Variants in COL4A4 observed in about 807,000 individuals in gnomAD.
COL4A4 encodes collagen type IV alpha 4 chain, also known as collagen alpha-4(IV) chain.
Under a neutral mutation model 192.9 loss-of-function variants are expected in COL4A4, and 105 were observed. The observed-to-expected ratio is 0.54, with a 90% CI of 0.46 to 0.64. The LOEUF (loss-of-function observed/expected upper bound fraction) is 0.64. COL4A4 is among the 30% of genes least tolerant of loss of function. The pLI, the probability that COL4A4 is intolerant of heterozygous loss-of-function variation, is 0.00. For synonymous variants in COL4A4, 762 were observed against 769.9 expected (o/e 0.99, Z 0.17); for missense variants, 1,967 against 2,169.3 (o/e 0.91, Z 1.85).
intron 37 of COL4A4, among the ~76,000 whole-genome samples, chr2:227,041,848 G>GAAAAAGAGAA (rs1243663359): frequency 7.8e-5 from 3 of 38,692 alleles, no homozygotes; most frequent in African/African-American, 1.2e-4. Flanking sequence ...AAGAAAGAAA[G>GAAAAAGAGAA]AGAAAGAAAG....
chr2:226,979,631 G>T, the COL4A4 span, among the ~76,000 whole-genome samples: 2 of 152,218 alleles, frequency 1.3e-5, no homozygotes, highest in African/African-American at 4.8e-5. Context: ...TCAGCAGGCT[G>T]GGTACCCTTC....
At chr2:227,149,080 C>A (rs951156319) in intron 1 of COL4A4, among the ~76,000 whole-genome samples, 1 of 152,046 alleles carries the variant, frequency 6.6e-6, no homozygotes, top group Non-Finnish European at 1.5e-5. Context: ...AACTCCTGAC[C>A]TCAGGTGATC....
intron 35 of COL4A4, among the ~76,000 whole-genome samples, chr2:227,046,323 G>T (rs886218619): frequency 2.8e-5 from 4 of 144,672 alleles, no homozygotes; most frequent in Non-Finnish European, 3.0e-5. Flanking sequence ...TTGCCAGATG[G>T]AATTTTAAGA....
At chr2:227,051,857 A>C (rs1261279701) in intron 32 of COL4A4, among the ~76,000 whole-genome samples, 1 of 152,184 alleles carries the variant, frequency 6.6e-6, no homozygotes, top group Non-Finnish European at 1.5e-5. Context: ...TGGAGAAGCA[A>C]AAAATGTACC....
At chr2:227,094,489 G>A (rs904882722) in intron 19 of COL4A4, among the ~76,000 whole-genome samples, 200 bp from the exon 20 acceptor site, 1 of 152,150 alleles carries the variant, frequency 6.6e-6, no homozygotes, top group Non-Finnish European at 1.5e-5. Flanking sequence ...TGTGGAATCT[G>A]AAATAGTCAA....
At chr2:227,100,386 C>G (rs1334227978) in intron 17 of COL4A4, among the ~76,000 whole-genome samples, 1 of 151,882 alleles carries the variant, frequency 6.6e-6, no homozygotes, top group African/African-American at 2.4e-5. Context: ...TGCATAATAA[C>G]ACACAGCATG....
At chr2:227,011,840 G>C (rs1171545529) in intron 45 of COL4A4, among the ~76,000 whole-genome samples, 7 of 152,172 alleles carry the variant, frequency 4.6e-5, no homozygotes, top group Non-Finnish European at 8.8e-5. Flanking sequence ...GCCTCTTAAG[G>C]GTGATCCCAC....
At chr2:226,967,816 T>C in the COL4A4 span, among the ~76,000 whole-genome samples, 1 of 151,884 alleles carries the variant, frequency 6.6e-6, no homozygotes, top group Non-Finnish European at 1.5e-5. Flanking sequence ...GGAGTCAGGG[T>C]AGAGGGGTTA....
chr2:227,054,797 G>C (rs931334480), intron 30 of COL4A4, 60 bp from the exon 31 acceptor site: 101 of 1,530,684 alleles, frequency 6.6e-5, no homozygotes, highest in Non-Finnish European at 3.7e-5. Context: ...TATTTTTTCA[G>C]GGGTGGGAGG....
intron 45 of COL4A4, among the ~76,000 whole-genome samples, chr2:227,011,173 C>T (rs940238150): frequency 1.3e-5 from 2 of 152,146 alleles, no homozygotes; most frequent in Non-Finnish European, 2.9e-5. Flanking sequence ...TGAACTATTG[C>T]AGAAGGCCAG....
rs752585800 is a variant in COL4A4 at position 227,008,036 on chromosome 2, G to A, written c.4791C>T (p.Ile1597=). The part of the protein sequence containing the change: ...PCPQTWRSLW[I]GYSFLMHTGA... ...GACTCACCATCAGGAATGAATACCC[G>A]ATCCAGAGGCTCCTCCAGGTCTGCG... Residue 1597 remains isoleucine (I), a synonymous_variant, in exon 47 of 48, where the codon ATC becomes ATT. Coordinates refer to ENST00000396625, the MANE Select transcript of COL4A4 (RefSeq NM_000092.5). 20 of 1,612,364 alleles carry A rather than the reference G, an allele frequency of 1.2e-5. No homozygotes were observed. In the Admixed American group the frequency reaches 1.5e-4, roughly 12 times the overall value.
chr2:226,988,502 C>T, the COL4A4 span: 1,830 of 1,528,586 alleles, frequency 1.2e-3, 16 homozygotes, highest in African/African-American at 0.022. Flanking sequence ...AGACTCAGGC[C>T]TTGCGAGGTG....
intron 4 of COL4A4, 27 bp downstream of exon 4, chr2:227,140,134 G>A (rs371719472): frequency 8.8e-6 from 14 of 1,585,022 alleles, no homozygotes; most frequent in Middle Eastern, 1.7e-4. Context: ...CAGGAATGCT[G>A]CCCATGTTGG....
At chr2:227,043,480 C>G (rs1971854924) in intron 35 of COL4A4, among the ~76,000 whole-genome samples, 1 of 152,036 alleles carries the variant, frequency 6.6e-6, no homozygotes, top group Admixed American at 6.5e-5. Context: ...ATTGGTTTTC[C>G]TAATTATCAT....
At chr2:227,082,323 C>A (rs892078028) in intron 22 of COL4A4, 136 bp from the exon 23 acceptor site, 27 of 811,610 alleles carry the variant, frequency 3.3e-5, no homozygotes, top group Middle Eastern at 2.3e-4. Flanking sequence ...TGGTCTCTTC[C>A]ACTTCCCTGC....
intron 26 of COL4A4, 130 bp from the exon 27 acceptor site, chr2:227,060,373 G>C (rs1976647817): frequency 3.0e-6 from 2 of 669,290 alleles, no homozygotes; most frequent in Non-Finnish European, 5.1e-6. Flanking sequence ...TAAGGATGTT[G>C]CCTATCCCGA....
chr2:227,062,174 T>C (rs1316659267), intron 26 of COL4A4, among the ~76,000 whole-genome samples: 2 of 151,080 alleles, frequency 1.3e-5, no homozygotes, highest in Admixed American at 6.6e-5. Flanking sequence ...GAAGCAGAGG[T>C]TGCAGTGAGC....
intron 30 of COL4A4, 131 bp downstream of exon 30, chr2:227,055,814 G>T (rs770004220): frequency 1.9e-5 from 15 of 777,268 alleles, no homozygotes; most frequent in Non-Finnish European, 3.0e-5. Flanking sequence ...AGCAAGGGAG[G>T]CATCATTAAG....
chr2:227,142,456 C>A (rs1285091417), intron 3 of COL4A4, among the ~76,000 whole-genome samples: 1 of 152,096 alleles, frequency 6.6e-6, no homozygotes, highest in African/African-American at 2.4e-5. Context: ...ATATTTGTCA[C>A]ATAGAAAAGT....
Sources: gnomAD v4.1 joint callset for allele counts (sites outside exome capture counted in the v4.1 genomes callset) on GRCh38, gnomAD v4.1.1 for gene constraint, MANE v1.5 for transcripts, NCBI Gene and HGNC (gene_info 2026-07-23, HGNC 2026-07-21) for gene names.